The following WWP2 variants were observed in gnomAD, a reference collection of about 807,000 sequenced individuals.
WWP2 encodes WW domain containing E3 ubiquitin protein ligase 2.
In WWP2, 57 loss-of-function variants were observed where a neutral mutation model predicts 121.0. That is an observed-to-expected ratio of 0.47 (90% CI 0.38 to 0.59). WWP2 has a LOEUF of 0.59. Among genes scored for constraint, WWP2 ranks in the 20% least tolerant of loss-of-function variants. The pLI is 0.00. For synonymous variants in WWP2, 449 were observed against 441.3 expected (o/e 1.02, Z -0.22); for missense variants, 962 against 1,158.9 (o/e 0.83, Z 2.47).
chr16:69,916,354 C>A (rs948173100), intron 9 of WWP2, among the ~76,000 whole-genome samples: 1 of 152,124 alleles, frequency 6.6e-6, no homozygotes, highest in Non-Finnish European at 1.5e-5. Flanking sequence ...ACTCCACCAC[C>A]CCCAGCTAAT....
intron 8 of WWP2, among the ~76,000 whole-genome samples, chr16:69,892,646 A>T (rs1042637787): frequency 2.0e-5 from 3 of 151,920 alleles, no homozygotes; most frequent in African/African-American, 7.3e-5. Flanking sequence ...TGATCCTCCC[A>T]CCTCAGCCTC....
chr16:69,937,578 A>C lies in WWP2; in HGVS notation c.2269A>C (p.Met757Leu). Residue 757 changes from methionine to leucine, a missense_variant, in exon 21 of 24, where the codon ATG becomes CTG. By Grantham distance (15) the Met-to-Leu change is conservative. Around this residue, in one of 3 missense-constraint regions of WWP2, gnomAD observed 606 missense variants for 772.6 expected, o/e 0.78. Coordinates refer to ENST00000359154, the MANE Select transcript of WWP2 (RefSeq NM_001270454.2). The surrounding 1 kb of genome is among the most constrained non-coding windows in gnomAD (Gnocchi z 6.6). Reference sequence around the variant, plus strand: ...GCTGTGCGGCATGCAGGAGATAGACATGAGCGACTGGCAGAAGAGCACCAT... The same window carrying C: ...GCTGTGCGGCATGCAGGAGATAGACCTGAGCGACTGGCAGAAGAGCACCAT... ...LMLCGMQEID[M>L]SDWQKSTIYR... The C allele has an allele frequency of 6.2e-7, 1 of 1,613,982 alleles. No individual in the cohort carries two copies. The highest frequency in any genetic ancestry group is 2.2e-5 in the East Asian group (1 of 44,876).
chr16:69,814,925 T>G (rs2056461041), intron 4 of WWP2, among the ~76,000 whole-genome samples: 1 of 152,292 alleles, frequency 6.6e-6, no homozygotes, highest in South Asian at 2.1e-4. Flanking sequence ...GAGAAGAAAT[T>G]TTTAAAAAGT....
At position 69,898,114 on chromosome 16, in the gene WWP2, G is replaced by A. The variant is rs528538451; in HGVS notation, c.914+9865G>A. The stretch of plus-strand genomic sequence containing the variant: ...ACAATCTCGGCTCACTGCAACCTCC[G>A]CCTCCTGAGTTCAAGTGATTCTCCT... On this transcript the variant is annotated intron_variant, in intron 8 of 23. Coordinates refer to ENST00000359154, the MANE Select transcript of WWP2 (RefSeq NM_001270454.2). Among the ~76,000 whole-genome samples, 6 of 138,410 alleles carry A rather than the reference G, an allele frequency of 4.3e-5. No individual in the cohort carries two copies. In the South Asian group the frequency reaches 1.3e-3, roughly 29 times the overall value. The allele number at this position is 138,410 out of a possible 152,430, so 90.8% of individuals were successfully genotyped here.
At chr16:69,784,895 A>G (rs1478986728) in intron 1 of WWP2, among the ~76,000 whole-genome samples, 1 of 152,094 alleles carries the variant, frequency 6.6e-6, no homozygotes, top group Non-Finnish European at 1.5e-5. Flanking sequence ...AAAACAACAC[A>G]GTATTTGTTA....
intron 6 of WWP2, chr16:69,871,590 C>T: frequency 1.8e-6 from 1 of 548,136 alleles, no homozygotes; most frequent in Admixed American, 3.8e-5. Flanking sequence ...GAAAAGTTTA[C>T]ACAAAGTTAC....
chr16:69,859,423 C>T lies in WWP2; in HGVS notation c.576-12381C>T, dbSNP rs373431709. On this transcript the variant is annotated intron_variant, in intron 6 of 23. Transcript: ENST00000359154. ...TACAGAAATTAGCTAGGCATGGTGGCGCATGCCTGTCATCCCGGTTACTCA... is the reference window on the plus strand; with the variant it reads ...TACAGAAATTAGCTAGGCATGGTGGTGCATGCCTGTCATCCCGGTTACTCA... Among the ~76,000 whole-genome samples, 60 of 152,166 alleles carry T rather than the reference C, an allele frequency of 3.9e-4. No individual in the cohort carries two copies. The South Asian group carries it at 0.012, about 32-fold the overall frequency.
chr16:69,782,719 A>G (rs969222568), intron 1 of WWP2, among the ~76,000 whole-genome samples: 1 of 152,246 alleles, frequency 6.6e-6, no homozygotes, highest in Admixed American at 6.6e-5. Context: ...GATATATCAC[A>G]TAAGACAAAT....
At chr16:69,883,400 G>GCGCACA (rs141327083) in intron 7 of WWP2, among the ~76,000 whole-genome samples, 2,374 of 145,964 alleles carry the variant, frequency 0.016, 25 homozygotes, top group African/African-American at 0.03. Flanking sequence ...AAGAATGTGC[G>GCGCACA]CACACACACA....
intron 2 of WWP2, among the ~76,000 whole-genome samples, chr16:69,794,421 T>C (rs2055983739): frequency 2.0e-5 from 3 of 152,056 alleles, no homozygotes; most frequent in African/African-American, 7.2e-5. Flanking sequence ...CCCAGCTACT[T>C]GAGAGGCTGA....
intron 16 of WWP2, chr16:69,933,322 C>G (rs1467457607): frequency 2.8e-6 from 1 of 355,004 alleles, no homozygotes; most frequent in Non-Finnish European, 5.6e-6. Context: ...ACCCAGGGCA[C>G]GGGTGTTGGT....
chr16:69,889,552 TA>T (rs1338566204), intron 8 of WWP2, among the ~76,000 whole-genome samples: 3 of 152,320 alleles, frequency 2.0e-5, no homozygotes, highest in African/African-American at 7.2e-5. Flanking sequence ...CCCAGGAAGT[TA>T]AGGGACTCAA....
chr16:69,778,077 A>G (rs1370984594), intron 1 of WWP2, among the ~76,000 whole-genome samples: 1 of 131,862 alleles, frequency 7.6e-6, no homozygotes, highest in Admixed American at 8.5e-5. Flanking sequence ...TCTCAAATAT[A>G]TATATATATA....
intron 8 of WWP2, among the ~76,000 whole-genome samples, chr16:69,888,731 G>A (rs1323870424): frequency 6.6e-6 from 1 of 151,238 alleles, no homozygotes; most frequent in Non-Finnish European, 1.5e-5. Context: ...TAGAGATGGA[G>A]TCTTAATCTG....
At chr16:69,826,932 C>T (rs1012827346) in intron 4 of WWP2, among the ~76,000 whole-genome samples, 15 of 136,168 alleles carry the variant, frequency 1.1e-4, no homozygotes, top group African/African-American at 4.2e-4. Context: ...GAGCGAGACT[C>T]CACCTCAAAA....
intron 4 of WWP2, among the ~76,000 whole-genome samples, chr16:69,806,357 G>A (rs2056274651): frequency 6.6e-6 from 1 of 152,054 alleles, no homozygotes; most frequent in Non-Finnish European, 1.5e-5. Flanking sequence ...ATCTATATTC[G>A]TTAGTGGTAA....
chr16:69,811,981 A>C lies in WWP2; in HGVS notation c.340+12686A>C, dbSNP rs1281606287. On this transcript the variant is annotated intron_variant, in intron 4 of 23. Coordinates refer to ENST00000359154, the MANE Select transcript of WWP2 (RefSeq NM_001270454.2). The stretch of plus-strand genomic sequence containing the variant: ...TACAGTACAATTAACAAAACTAAGA[A>C]ATTTCCCGTTTTTGCAGTGTTGTTA... Among the ~76,000 whole-genome samples, 4 of 152,064 alleles carry C rather than the reference A, an allele frequency of 2.6e-5. No individual in the cohort carries two copies. In the East Asian group the frequency reaches 7.7e-4, roughly 29 times the overall value.
intron 2 of WWP2, among the ~76,000 whole-genome samples, chr16:69,791,225 T>G (rs575321033): frequency 7.2e-6 from 1 of 139,242 alleles, no homozygotes; most frequent in Non-Finnish European, 1.5e-5. Flanking sequence ...CTTTTCTTTT[T>G]TTCTTTCTTT....
At chr16:69,782,004 C>T (rs139621116) in intron 1 of WWP2, among the ~76,000 whole-genome samples, 4 of 152,254 alleles carry the variant, frequency 2.6e-5, no homozygotes, top group South Asian at 2.1e-4. Flanking sequence ...TTTTCGGAGC[C>T]GGGCGAGGTG....
Sources: allele counts gnomAD v4.1 joint callset (sites outside exome capture counted in the v4.1 genomes callset), GRCh38; gene constraint gnomAD v4.1.1; regional missense constraint gnomAD v4.1.1; non-coding constraint Gnocchi (gnomAD v3.1); transcripts MANE v1.5; gene names NCBI Gene and HGNC (gene_info 2026-07-23, HGNC 2026-07-21).